Variants in CAMK1D observed in about 807,000 individuals in gnomAD.
The protein encoded by CAMK1D is calcium/calmodulin-dependent protein kinase type 1D.
In CAMK1D, 9 loss-of-function variants were observed where a neutral mutation model predicts 47.7. That is an observed-to-expected ratio of 0.19 (90% CI 0.11 to 0.33). The LOEUF (loss-of-function observed/expected upper bound fraction) is 0.33. CAMK1D is among the 10% of genes least tolerant of loss of function. The pLI is 1.00. For missense variants in CAMK1D, 291 were observed against 488.7 expected (o/e 0.60, Z 3.81); for synonymous variants, 184 against 184.9 (o/e 0.99, Z 0.04).
rs1588977829 is a variant in CAMK1D at position 12,829,013 on chromosome 10, C to G, written c.*126C>G. ...CCCCTTCCTGCATAGGACTGGAAGACCGAAGTTTTTTTATGGCCATATTTT... is the reference window on the plus strand; with the variant it reads ...CCCCTTCCTGCATAGGACTGGAAGAGCGAAGTTTTTTTATGGCCATATTTT... On this transcript the variant is annotated 3_prime_UTR_variant, in exon 11 of 11. Transcript: ENST00000619168. 7.7e-6 allele frequency: 5 copies of G among 650,888 alleles called. No homozygotes were observed. The East Asian group carries it at 1.4e-4, about 19-fold the overall frequency. The allele number at this position is 650,888 out of a possible 1,614,324, so 40.3% of individuals were successfully genotyped here.
chr10:12,450,928 C>T (rs1255710129), intron 1 of CAMK1D, among the ~76,000 whole-genome samples: 1 of 152,198 alleles, frequency 6.6e-6, no homozygotes, highest in Non-Finnish European at 1.5e-5. Context: ...TATGAGCCAA[C>T]TGGCATGTCC....
chr10:12,431,590 C>T (rs1046676767), intron 1 of CAMK1D, among the ~76,000 whole-genome samples: 5 of 152,130 alleles, frequency 3.3e-5, no homozygotes, highest in Admixed American at 6.5e-5. Flanking sequence ...TCCTTCAGAG[C>T]GCCTGCCTAT....
intron 1 of CAMK1D, among the ~76,000 whole-genome samples, chr10:12,373,094 C>T (rs1029586868): frequency 4.6e-5 from 7 of 152,148 alleles, no homozygotes; most frequent in Admixed American, 3.9e-4. Context: ...CTGTCCCAGC[C>T]GGGGCTTCAG....
chr10:12,617,115 A>G (rs1194650522), intron 2 of CAMK1D, among the ~76,000 whole-genome samples: 1 of 152,142 alleles, frequency 6.6e-6, no homozygotes, highest in Non-Finnish European at 1.5e-5. Flanking sequence ...TTCCTCAAGG[A>G]TGCAAGCAGC....
intron 3 of CAMK1D, among the ~76,000 whole-genome samples, chr10:12,722,419 C>T (rs533787758): frequency 8.1e-6 from 1 of 123,032 alleles, no homozygotes; most frequent in Non-Finnish European, 1.6e-5. Context: ...GCACCTCCAG[C>T]CTGGGCAACA....
chr10:12,612,610 T>C (rs1838664321), intron 2 of CAMK1D, among the ~76,000 whole-genome samples: 1 of 152,120 alleles, frequency 6.6e-6, no homozygotes, highest in Non-Finnish European at 1.5e-5. Flanking sequence ...CGGTTGTTCC[T>C]AGTAGAGGAA....
chr10:12,557,894 C>T (rs1357624862), intron 2 of CAMK1D, among the ~76,000 whole-genome samples: 1 of 152,180 alleles, frequency 6.6e-6, no homozygotes, highest in Non-Finnish European at 1.5e-5. Context: ...TTTCACTGGA[C>T]TGAAGTGATG....
intron 1 of CAMK1D, among the ~76,000 whole-genome samples, chr10:12,398,126 A>C (rs1839029196): frequency 6.6e-6 from 1 of 152,188 alleles, no homozygotes. Flanking sequence ...AGTGGAGCTA[A>C]ATACCACAGA....
chr10:12,678,226 C>G (rs1296075830), intron 3 of CAMK1D, among the ~76,000 whole-genome samples: 1 of 151,994 alleles, frequency 6.6e-6, no homozygotes, highest in Non-Finnish European at 1.5e-5. Flanking sequence ...AAGATATTTT[C>G]CCTTGTGATT....
At chr10:12,418,728 C>A (rs1361705426) in intron 1 of CAMK1D, among the ~76,000 whole-genome samples, 1 of 152,088 alleles carries the variant, frequency 6.6e-6, no homozygotes. Flanking sequence ...AAAATGAAAC[C>A]TTTTAAAAAG....
chr10:12,821,068 G>A (rs1053785216), intron 8 of CAMK1D, among the ~76,000 whole-genome samples: 7 of 152,260 alleles, frequency 4.6e-5, no homozygotes, highest in Middle Eastern at 3.4e-3. Flanking sequence ...TGTGGGGACC[G>A]GCAAATCAAA....
intron 2 of CAMK1D, among the ~76,000 whole-genome samples, chr10:12,615,321 T>C (rs1289192266): frequency 6.6e-6 from 1 of 152,206 alleles, no homozygotes; most frequent in Admixed American, 6.5e-5. Flanking sequence ...TCCATTTCCA[T>C]CTAAATAAGA....
chr10:12,583,114 C>A (rs1358470915), intron 2 of CAMK1D, among the ~76,000 whole-genome samples: 1 of 152,048 alleles, frequency 6.6e-6, no homozygotes, highest in Non-Finnish European at 1.5e-5. Flanking sequence ...ACAAAAGAAA[C>A]AAGCCCAACA....
At chr10:12,805,955 G>A (rs965254297) in intron 6 of CAMK1D, among the ~76,000 whole-genome samples, 1 of 152,222 alleles carries the variant, frequency 6.6e-6, no homozygotes, top group African/African-American at 2.4e-5. Context: ...CGCATGCCAC[G>A]ATGATGGTGC....
chr10:12,569,570 T>C (rs530925824), intron 2 of CAMK1D, among the ~76,000 whole-genome samples: 1 of 117,286 alleles, frequency 8.5e-6, no homozygotes, highest in African/African-American at 3.5e-5. Context: ...AAAAAAAAAA[T>C]TAGCCGGGCT....
At chr10:12,378,924 C>G (rs2131869500) in intron 1 of CAMK1D, among the ~76,000 whole-genome samples, 1 of 151,102 alleles carries the variant, frequency 6.6e-6, no homozygotes, top group Admixed American at 6.6e-5. Flanking sequence ...ATTCTCCTGT[C>G]TCAGCCTCCC....
intron 6 of CAMK1D, among the ~76,000 whole-genome samples, chr10:12,803,377 C>T (rs2131042423): frequency 6.6e-6 from 1 of 152,300 alleles, no homozygotes; most frequent in Admixed American, 6.5e-5. Context: ...CACCAGTGCC[C>T]TGTCAGTATC....
intron 2 of CAMK1D, among the ~76,000 whole-genome samples, chr10:12,640,923 G>C (rs993481213): frequency 6.6e-6 from 1 of 151,958 alleles, no homozygotes; most frequent in Non-Finnish European, 1.5e-5. Context: ...ATAATTTATC[G>C]GTAATTACAG....
intron 3 of CAMK1D, among the ~76,000 whole-genome samples, chr10:12,750,175 G>GT (rs926064314): frequency 7.9e-5 from 12 of 152,022 alleles, no homozygotes; most frequent in South Asian, 2.1e-4. Context: ...TGATTTAATT[G>GT]TTTTTTTTCC....
Sources: gnomAD v4.1 joint callset for allele counts (sites outside exome capture counted in the v4.1 genomes callset) on GRCh38, gnomAD v4.1.1 for gene constraint, MANE v1.5 for transcripts, NCBI Gene and HGNC (gene_info 2026-07-23, HGNC 2026-07-21) for gene names.